The following DOCK3 variants were observed in gnomAD, a reference collection of about 807,000 sequenced individuals.
DOCK3 encodes dedicator of cytokinesis protein 3.
Under a neutral mutation model 265.6 loss-of-function variants are expected in DOCK3, and 60 were observed. The ratio of observed to expected loss-of-function variants is 0.23; its 90% CI spans 0.18 to 0.28. The LOEUF (loss-of-function observed/expected upper bound fraction) is 0.28. DOCK3 is among the 10% of genes least tolerant of loss of function. The probability of loss-of-function intolerance (pLI) is 1.00; values close to 1 mark genes in which losing one functional copy is unlikely to be tolerated. For missense variants in DOCK3, 1,981 were observed against 2,594.3 expected (o/e 0.76, Z 5.14); for synonymous variants, 881 against 938.0 (o/e 0.94, Z 1.11).
chr3:51,318,566 G>T (rs2109731839), intron 32 of DOCK3, among the ~76,000 whole-genome samples: 1 of 152,078 alleles, frequency 6.6e-6, no homozygotes, highest in Non-Finnish European at 1.5e-5. Context: ...ATAATTCCAT[G>T]CAACTGAATG....
intron 3 of DOCK3, among the ~76,000 whole-genome samples, chr3:50,857,488 G>T (rs1432541916): frequency 3.9e-5 from 6 of 152,062 alleles, no homozygotes; most frequent in Non-Finnish European, 8.8e-5. Context: ...TACCATCAGA[G>T]TGAACAGGCA....
intron 2 of DOCK3, chr3:50,787,657 C>T: frequency 1.5e-6 from 2 of 1,315,462 alleles, no homozygotes; most frequent in Middle Eastern, 1.9e-4. Context: ...CCTGCAACCT[C>T]TTGTAGTTCT....
intron 40 of DOCK3, among the ~76,000 whole-genome samples, chr3:51,354,168 T>C (rs1272361689): frequency 6.6e-6 from 1 of 152,110 alleles, no homozygotes; most frequent in Non-Finnish European, 1.5e-5. Context: ...AACATTAGAC[T>C]GTTTCTCCCA....
At chr3:51,369,864 C>T (rs558008635) in intron 49 of DOCK3, among the ~76,000 whole-genome samples, 3 of 152,310 alleles carry the variant, frequency 2.0e-5, no homozygotes, top group African/African-American at 7.2e-5. Flanking sequence ...TTAAGGCCAC[C>T]TAGCCAGTTC....
intron 1 of DOCK3, among the ~76,000 whole-genome samples, chr3:50,696,594 G>C (rs2035633082): frequency 6.6e-6 from 1 of 152,134 alleles, no homozygotes; most frequent in Non-Finnish European, 1.5e-5. Flanking sequence ...GGGACAGTAA[G>C]GCATGAAAGA....
intron 22 of DOCK3, among the ~76,000 whole-genome samples, chr3:51,249,703 G>A (rs1317943007): frequency 2.4e-5 from 3 of 126,862 alleles, no homozygotes; most frequent in African/African-American, 5.9e-5. Flanking sequence ...GGTGAGGGGC[G>A]CCTCTGCCCG....
At chr3:50,763,484 C>A (rs1405194200) in intron 1 of DOCK3, among the ~76,000 whole-genome samples, 1 of 151,872 alleles carries the variant, frequency 6.6e-6, no homozygotes, top group East Asian at 1.9e-4. Flanking sequence ...GGTTTTGCCA[C>A]ATTGGCCAGG....
chr3:51,325,038 C>A (rs1177511190), intron 32 of DOCK3, among the ~76,000 whole-genome samples: 1 of 152,048 alleles, frequency 6.6e-6, no homozygotes, highest in Non-Finnish European at 1.5e-5. Context: ...ACACCAAAAG[C>A]AATAGCAACA....
chr3:50,889,487 T>C (rs1290155827), intron 3 of DOCK3, among the ~76,000 whole-genome samples: 3 of 151,776 alleles, frequency 2.0e-5, no homozygotes, highest in African/African-American at 7.2e-5. Context: ...AATACGCTAC[T>C]TATTCTTTAG....
At chr3:51,035,901 G>A (rs527606193) in intron 5 of DOCK3, among the ~76,000 whole-genome samples, 86 of 152,202 alleles carry the variant, frequency 5.7e-4, no homozygotes, top group Admixed American at 1.8e-3. Flanking sequence ...AGAAGTCAGG[G>A]TCACCCTTAT....
intron 5 of DOCK3, among the ~76,000 whole-genome samples, chr3:51,035,435 T>A (rs920733768): frequency 5.3e-5 from 8 of 152,192 alleles, no homozygotes; most frequent in African/African-American, 1.9e-4. Context: ...TTCTTTTTTA[T>A]AATTTCTTTT....
chr3:50,879,908 G>C (rs994792316), intron 3 of DOCK3, among the ~76,000 whole-genome samples: 2 of 152,116 alleles, frequency 1.3e-5, no homozygotes, highest in African/African-American at 2.4e-5. Context: ...AAATGTAAAA[G>C]AATAGAAATT....
In DOCK3 at chr3:51,007,889, G is replaced by A. The variant is rs148024985; in HGVS notation, c.316-56559G>A. ...TTATTACATAGAGAATCCTTTCCCC[G>A]TTTCTTGTTTTTGGTCAGGTTTGTC... On this transcript the variant is annotated intron_variant, in intron 5 of 52. Transcript: ENST00000266037. Among the ~76,000 whole-genome samples, 1,465 of 152,016 alleles carry A rather than the reference G, an allele frequency of 9.6e-3. 32 individuals carry two copies. The highest frequency in any genetic ancestry group is 0.031 in the African/African-American group (1,305 of 41,488).
intron 13 of DOCK3, among the ~76,000 whole-genome samples, chr3:51,211,060 G>A (rs1019610362): frequency 4.6e-5 from 7 of 152,006 alleles, no homozygotes; most frequent in African/African-American, 1.7e-4. Context: ...CAAGTTTTCT[G>A]TTTATTTTAA....
chr3:50,784,548 A>G (rs1247171742), intron 2 of DOCK3, among the ~76,000 whole-genome samples: 1 of 152,172 alleles, frequency 6.6e-6, no homozygotes, highest in Non-Finnish European at 1.5e-5. Context: ...TCTGTGAAGA[A>G]TGATGGTGAT....
At chr3:51,017,272 T>C (rs2079386465) in intron 5 of DOCK3, among the ~76,000 whole-genome samples, 1 of 151,480 alleles carries the variant, frequency 6.6e-6, no homozygotes, top group African/African-American at 2.4e-5. Context: ...ATTTTTATCT[T>C]AGTTTGACTA....
chr3:50,736,905 G>A (rs1239976429), intron 1 of DOCK3, among the ~76,000 whole-genome samples: 2 of 151,814 alleles, frequency 1.3e-5, no homozygotes, highest in African/African-American at 4.8e-5. Flanking sequence ...ACCGTGTTAG[G>A]ATGGTCTCGA....
At chr3:51,117,359 G>A (rs1010439292) in intron 9 of DOCK3, among the ~76,000 whole-genome samples, 1 of 152,062 alleles carries the variant, frequency 6.6e-6, no homozygotes, top group African/African-American at 2.4e-5. Flanking sequence ...GCTGGAATTG[G>A]GCTTCCTAGT....
chr3:51,249,180 GCC>G (rs2079024813), intron 22 of DOCK3, among the ~76,000 whole-genome samples: 1 of 132,246 alleles, frequency 7.6e-6, no homozygotes, highest in Non-Finnish European at 1.6e-5. Context: ...CAGGCCAGCT[GCC>G]CCATCCGGCA....
Sources: allele counts gnomAD v4.1 joint callset (sites outside exome capture counted in the v4.1 genomes callset), GRCh38; gene constraint gnomAD v4.1.1; transcripts MANE v1.5; gene names NCBI Gene and HGNC (gene_info 2026-07-23, HGNC 2026-07-21).